Variants in MACROD2 observed in about 807,000 individuals in gnomAD.
The protein encoded by MACROD2 is mono-ADP ribosylhydrolase 2, also known as ADP-ribose glycohydrolase MACROD2.
Under a neutral mutation model 70.4 loss-of-function variants are expected in MACROD2, and 36 were observed. The ratio of observed to expected loss-of-function variants is 0.51; its 90% CI spans 0.39 to 0.68. MACROD2 has a LOEUF of 0.68. Among genes scored for constraint, MACROD2 ranks in the 30% least tolerant of loss-of-function variants. The pLI is 0.00. For missense variants in MACROD2, 496 were observed against 538.4 expected (o/e 0.92, Z 0.78); for synonymous variants, 172 against 178.8 (o/e 0.96, Z 0.30).
chr20:14,270,253 G>T (rs2122349272), intron 3 of MACROD2, among the ~76,000 whole-genome samples: 1 of 152,232 alleles, frequency 6.6e-6, no homozygotes, highest in Non-Finnish European at 1.5e-5. Flanking sequence ...GTGTGTGTGT[G>T]TATAAAAGGA....
chr20:15,418,981 C>T (rs1278326772), intron 6 of MACROD2, among the ~76,000 whole-genome samples: 1 of 152,196 alleles, frequency 6.6e-6, no homozygotes, highest in Non-Finnish European at 1.5e-5. Flanking sequence ...TTTAAAAGCT[C>T]TACTGCCAGC....
chr20:14,466,648 TC>T (rs1022741827), intron 3 of MACROD2, among the ~76,000 whole-genome samples: 2 of 152,110 alleles, frequency 1.3e-5, no homozygotes, highest in Non-Finnish European at 2.9e-5. Flanking sequence ...CTCTGTTTTT[TC>T]CCCATCTTTG....
In MACROD2 at chr20:15,464,526, A is replaced by G. The variant is rs2046860129; in HGVS notation, c.571+33091A>G. Among the ~76,000 whole-genome samples the G allele has an allele frequency of 5.3e-5, 8 of 152,302 alleles. 1 individual carries two copies. In the South Asian group the frequency reaches 1.7e-3, roughly 32 times the overall value. ...AACCTGCTTCCTCACTGGTTTTTGA[A>G]ATATCTTTAGAGAAAAAATATTCCA... is the stretch of plus-strand genomic sequence containing the variant. On this transcript the variant is annotated intron_variant, in intron 7 of 17. Transcript: ENST00000684519.
In MACROD2 at chr20:15,854,970, G is replaced by A. The variant is rs141003524; in HGVS notation, c.646-7775G>A. The stretch of plus-strand genomic sequence containing the variant: ...AGACTGTTGATTTCTCTTTCATGAA[G>A]GCTGGGACTTAAGCCCAGCTGTCCA... On this transcript the variant is annotated intron_variant, in intron 8 of 17. Coordinates refer to ENST00000684519, the MANE Select transcript of MACROD2 (RefSeq NM_001351661.2). Among the ~76,000 whole-genome samples, 5 of 152,268 alleles carry A rather than the reference G, an allele frequency of 3.3e-5. No individual in the cohort carries two copies. The East Asian group carries it at 9.7e-4, about 29-fold the overall frequency.
chr20:14,763,524 T>C (rs2072044319), intron 5 of MACROD2, among the ~76,000 whole-genome samples: 2 of 152,094 alleles, frequency 1.3e-5, no homozygotes, highest in Admixed American at 6.6e-5. Flanking sequence ...TGAAAAGTGA[T>C]GGAAATCTGT....
At chr20:14,281,342 C>T (rs191315354) in intron 3 of MACROD2, among the ~76,000 whole-genome samples, 1 of 152,216 alleles carries the variant, frequency 6.6e-6, no homozygotes, top group East Asian at 1.9e-4. Context: ...TGTATCATTC[C>T]ATTTACATGA....
chr20:14,530,396 T>G (rs1244376694), intron 4 of MACROD2, among the ~76,000 whole-genome samples: 9 of 152,322 alleles, frequency 5.9e-5, no homozygotes, highest in African/African-American at 2.2e-4. Flanking sequence ...GAGATTTGTT[T>G]CGTCAAGAAG....
intron 5 of MACROD2, among the ~76,000 whole-genome samples, chr20:15,226,873 G>A (rs1188479339): frequency 6.6e-6 from 1 of 152,120 alleles, no homozygotes; most frequent in Non-Finnish European, 1.5e-5. Context: ...TAAGGCACTT[G>A]ATGACTAAGG....
chr20:14,102,288 G>A (rs192909320), intron 3 of MACROD2, among the ~76,000 whole-genome samples: 87 of 152,026 alleles, frequency 5.7e-4, no homozygotes, highest in African/African-American at 1.9e-3. Context: ...AGGCTTGAGC[G>A]ACCGCGGCTG....
Position 14,326,023 on chromosome 20 carries a change from A to T in MACROD2, c.272-167456A>T. On this transcript the variant is annotated intron_variant, in intron 3 of 17. Transcript: ENST00000684519. The surrounding 1 kb of genome is among the most constrained non-coding windows in gnomAD (Gnocchi z 5.5). ...GGGTGCAGTTTCAGTCTCAATACAAACAGGAGTTTCATCAAATAGGTAGAG... is the reference window on the plus strand; with the variant it reads ...GGGTGCAGTTTCAGTCTCAATACAATCAGGAGTTTCATCAAATAGGTAGAG... The T allele has an allele frequency of 6.2e-7, 1 of 1,613,874 alleles. No homozygotes were observed. The highest frequency in any genetic ancestry group is 8.5e-7 in the Non-Finnish European group (1 of 1,179,858).
chr20:14,998,058 G>A (rs1297462138), intron 5 of MACROD2, among the ~76,000 whole-genome samples: 2 of 152,184 alleles, frequency 1.3e-5, no homozygotes, highest in Non-Finnish European at 2.9e-5. Flanking sequence ...GCCTCCTAAT[G>A]CAGTTACAGC....
intron 5 of MACROD2, among the ~76,000 whole-genome samples, chr20:14,745,378 C>T (rs1017931496): frequency 6.6e-6 from 1 of 152,148 alleles, no homozygotes; most frequent in African/African-American, 2.4e-5. Flanking sequence ...GTCTAAGCAG[C>T]CACCTAACAT....
intron 6 of MACROD2, among the ~76,000 whole-genome samples, chr20:15,233,852 C>T (rs1208803872): frequency 1.3e-5 from 2 of 149,704 alleles, no homozygotes; most frequent in South Asian, 2.1e-4. Flanking sequence ...TCTTTCATGC[C>T]TCCTAGACCT....
In MACROD2 at chr20:14,238,291, G is replaced by GA. The variant is rs1190052944; in HGVS notation, c.271+152570dup. Among the ~76,000 whole-genome samples, 5 of 151,734 alleles carry GA rather than the reference G, an allele frequency of 3.3e-5. No homozygotes were observed. In the East Asian group the frequency reaches 5.8e-4, roughly 18 times the overall value. ...TTTATTACATAAACAGAACTCAAAA[G>GA]AAAAAAACACATGATTATATTATTA... On this transcript the variant is annotated intron_variant, in intron 3 of 17. Coordinates refer to ENST00000684519, the MANE Select transcript of MACROD2 (RefSeq NM_001351661.2).
intron 4 of MACROD2, among the ~76,000 whole-genome samples, chr20:14,571,659 C>T (rs1190763285): frequency 6.6e-6 from 1 of 152,018 alleles, no homozygotes; most frequent in East Asian, 1.9e-4. Flanking sequence ...TAATATTCCA[C>T]TTATCAGAAT....
rs114366583 is a variant in MACROD2, at chr20:14,605,079, C to A, written c.302-79764C>A. On this transcript the variant is annotated intron_variant, in intron 4 of 17. Transcript: ENST00000684519. ...CTATAACACTTTAATCTCTTCAATTCTAGGTAGAAAGATTAAAACCTATGA... is the reference window on the plus strand; with the variant it reads ...CTATAACACTTTAATCTCTTCAATTATAGGTAGAAAGATTAAAACCTATGA... 5.0e-3 allele frequency among the ~76,000 whole-genome samples: 760 copies of A among 152,264 alleles called. 7 individuals carry two copies. Among genetic ancestry groups the A allele is most frequent in the African/African-American group, 0.017 (708 of 41,550 alleles).
chr20:15,737,856 A>T (rs2051045813), intron 8 of MACROD2, among the ~76,000 whole-genome samples: 1 of 120,542 alleles, frequency 8.3e-6, no homozygotes, highest in East Asian at 2.2e-4. Context: ...CAGTAAATAA[A>T]TCAATGGATG....
intron 7 of MACROD2, among the ~76,000 whole-genome samples, chr20:15,459,751 A>G (rs1353075115): frequency 1.3e-5 from 2 of 152,042 alleles, no homozygotes; most frequent in East Asian, 1.9e-4. Flanking sequence ...AACTCAGATT[A>G]TGATTAGGAT....
At chr20:14,725,899 CA>C (rs1789809527) in intron 5 of MACROD2, among the ~76,000 whole-genome samples, 1 of 152,150 alleles carries the variant, frequency 6.6e-6, no homozygotes, top group Non-Finnish European at 1.5e-5. Context: ...ATGCTGTTTG[CA>C]CAGGAAACAG....
Sources: allele counts gnomAD v4.1 joint callset (sites outside exome capture counted in the v4.1 genomes callset), GRCh38; gene constraint gnomAD v4.1.1; non-coding constraint Gnocchi (gnomAD v3.1); transcripts MANE v1.5; gene names NCBI Gene and HGNC (gene_info 2026-07-23, HGNC 2026-07-21).